Variants in TAB2 observed in about 807,000 individuals in gnomAD.
TAB2 encodes TGF-beta-activated kinase 1 and MAP3K7-binding protein 2.
TAB2 carries 3 observed loss-of-function variants against 65.0 expected under a neutral mutation model. That is an observed-to-expected ratio of 0.05 (90% confidence interval 0.02 to 0.12). TAB2 has a LOEUF of 0.12. TAB2 is among the 10% of genes least tolerant of loss of function. The pLI is 1.00. For synonymous variants in TAB2, 298 were observed against 285.1 expected (o/e 1.05, Z -0.46); for missense variants, 623 against 840.3 (o/e 0.74, Z 3.20).
intron 1 of TAB2, among the ~76,000 whole-genome samples, chr6:149,220,632 T>C (rs933871178): frequency 7.2e-5 from 11 of 152,202 alleles, no homozygotes; most frequent in Non-Finnish European, 1.6e-4. Flanking sequence ...TTCATTTGCT[T>C]TTTGTGACAG....
upstream of TAB2, among the ~76,000 whole-genome samples, chr6:149,316,689 G>GC (rs771285320): frequency 5.9e-5 from 9 of 151,930 alleles, no homozygotes; most frequent in East Asian, 7.7e-4. Flanking sequence ...AAACTTGAAG[G>GC]CCCCCCCTCT....
intron 3 of TAB2, among the ~76,000 whole-genome samples, 158 bp downstream of exon 3, chr6:149,379,676 C>CATTTTA (rs910688629): frequency 6.6e-6 from 1 of 151,814 alleles, no homozygotes; most frequent in Non-Finnish European, 1.5e-5. Flanking sequence ...TATGTATATA[C>CATTTTA]ATTTTAATTT....
intron 1 of TAB2, among the ~76,000 whole-genome samples, chr6:149,284,094 A>G (rs1778626040): frequency 6.6e-6 from 1 of 152,182 alleles, no homozygotes. Flanking sequence ...AGCATTTAGT[A>G]GACTCCTATG....
intron 1 of TAB2, among the ~76,000 whole-genome samples, chr6:149,298,470 T>C (rs1465028009): frequency 6.6e-6 from 1 of 151,868 alleles, no homozygotes; most frequent in Non-Finnish European, 1.5e-5. Context: ...CTACAAAAAA[T>C]ACAAAAACTT....
intron 1 of TAB2, among the ~76,000 whole-genome samples, chr6:149,222,707 T>C (rs1265909682): frequency 6.6e-6 from 1 of 152,044 alleles, no homozygotes; most frequent in Non-Finnish European, 1.5e-5. Context: ...ATACACTATA[T>C]AACAATTACT....
chr6:149,318,089 C>G (rs1425595881), intron 1 of TAB2, 74 bp downstream of exon 1: 1 of 155,708 alleles, frequency 6.4e-6, no homozygotes. Flanking sequence ...GCACCCCCCT[C>G]CGTCTGGAAG....
At chr6:149,339,707 T>C (rs541427206) in intron 1 of TAB2, among the ~76,000 whole-genome samples, 2 of 151,394 alleles carry the variant, frequency 1.3e-5, no homozygotes, top group Admixed American at 1.3e-4. Flanking sequence ...CAAGCGATTC[T>C]CCTACCTCAG....
intron 1 of TAB2, among the ~76,000 whole-genome samples, chr6:149,298,579 C>G (rs537334550): frequency 6.6e-6 from 1 of 152,202 alleles, no homozygotes; most frequent in African/African-American, 2.4e-5. Context: ...GGTAATCACA[C>G]CACAATGACA....
chr6:149,398,207 T>C (rs1426834143), intron 5 of TAB2, 145 bp downstream of exon 5: 1 of 713,370 alleles, frequency 1.4e-6, no homozygotes. Context: ...AAGAATATAT[T>C]TAAAAAGTCA....
In TAB2 at chr6:149,397,676, A is replaced by G. The variant is rs1005351518; in HGVS notation, c.1676A>G (p.Asp559Gly). Residue 559 changes from aspartate (D) to glycine (G), a missense_variant, in exon 4 of 7, where the codon GAT becomes GGT. By Grantham distance (94) the Asp-to-Gly change is moderately conservative (BLOSUM62 -1). Coordinates refer to ENST00000637181, the MANE Select transcript of TAB2 (RefSeq NM_001292034.3). ...CTTGAGATTCAAAAGAAAAAGCTGG[A>G]TAAATTAAAATCTGAGGTTAATGAA... ...RELEIQKKKL[D>G]KLKSEVNEME... 2 of 1,614,118 alleles carry G rather than the reference A, an allele frequency of 1.2e-6. No individual in the cohort carries two copies. The highest frequency in any genetic ancestry group is 2.2e-5 in the South Asian group (2 of 91,084).
In TAB2 at chr6:149,410,777, GAAC is replaced by G. The variant is rs1247954957; in HGVS notation, c.*1064_*1066del. On this transcript the variant is annotated 3_prime_UTR_variant, in exon 7 of 7. Transcript: ENST00000637181. ...AAAAGATATTTTTAACCCACTGACA[GAAC>G]AACAAGGTTAAGCTTCATCTGCTTG... 1.3e-5 allele frequency: 2 copies of G among 152,632 alleles called. No individual in the cohort carries two copies. The highest frequency in any genetic ancestry group is 4.8e-5 in the African/African-American group (2 of 41,580). The allele number at this position is 152,632 out of a possible 1,614,324, so 9.5% of individuals were successfully genotyped here. A position where few individuals can be genotyped will look rare whatever the true frequency, so the allele number is the denominator to read the frequency against.
At position 149,337,491 on chromosome 6, in the gene TAB2, A is replaced by G. The variant is rs534148677; in HGVS notation, c.-90+19476A>G. On this transcript the variant is annotated intron_variant, in intron 1 of 6. Transcript: ENST00000637181. ...TAGCTGAAGTGATAAGCAGGAAAGG[A>G]GCCTTGCCAATTTTGTTCATTTGTT... Among the ~76,000 whole-genome samples the G allele has an allele frequency of 2.0e-5, 3 of 152,314 alleles. No individual in the cohort carries two copies. The East Asian group carries it at 5.8e-4, about 29-fold the overall frequency.
intron 1 of TAB2, among the ~76,000 whole-genome samples, chr6:149,352,044 T>TTTCTTAAGA (rs1439283710): frequency 2.0e-4 from 31 of 152,192 alleles, no homozygotes; most frequent in African/African-American, 6.8e-4. Context: ...GTTCCTTTTC[T>TTTCTTAAGA]TTCTTAAGAT....
At chr6:149,353,242 G>C (rs915433160) in intron 1 of TAB2, among the ~76,000 whole-genome samples, 6 of 152,036 alleles carry the variant, frequency 3.9e-5, no homozygotes, top group Non-Finnish European at 5.9e-5. Flanking sequence ...TGCTGCTGCT[G>C]CTGCTGGATT....
intron 1 of TAB2, among the ~76,000 whole-genome samples, chr6:149,240,689 G>A (rs913071371): frequency 6.6e-6 from 1 of 151,924 alleles, no homozygotes; most frequent in Non-Finnish European, 1.5e-5. Context: ...AGTATAATTT[G>A]CATATAATGA....
chr6:149,317,287 G>A (rs1326778299), upstream of TAB2, among the ~76,000 whole-genome samples: 1 of 151,978 alleles, frequency 6.6e-6, no homozygotes, highest in African/African-American at 2.4e-5. The surrounding 1 kb of genome is among the most constrained non-coding windows in gnomAD (Gnocchi z 4.7). Context: ...TGCCCGCACC[G>A]GCACCCCCCT....
intron 1 of TAB2, among the ~76,000 whole-genome samples, chr6:149,330,182 T>C (rs747714315): frequency 6.6e-6 from 1 of 152,128 alleles, no homozygotes; most frequent in Non-Finnish European, 1.5e-5. Context: ...TGCTAAAGAG[T>C]TTACCATTGT....
At chr6:149,282,028 T>A (rs1778584835) in intron 1 of TAB2, among the ~76,000 whole-genome samples, 1 of 152,170 alleles carries the variant, frequency 6.6e-6, no homozygotes, top group African/African-American at 2.4e-5. Context: ...ATCGCAGGCA[T>A]GATGGCAGGT....
chr6:149,283,334 A>G (rs1224736612), intron 1 of TAB2, among the ~76,000 whole-genome samples: 2 of 152,252 alleles, frequency 1.3e-5, no homozygotes, highest in African/African-American at 4.8e-5. Context: ...TTCATATGAT[A>G]TGACAGGAAG....
Sources: gnomAD v4.1 joint callset for allele counts (sites outside exome capture counted in the v4.1 genomes callset) on GRCh38, gnomAD v4.1.1 for gene constraint, Gnocchi (gnomAD v3.1) non-coding constraint, MANE v1.5 for transcripts, NCBI Gene and HGNC (gene_info 2026-07-23, HGNC 2026-07-21) for gene names.